The following HS6ST2 variants were observed in gnomAD, a reference collection of about 807,000 sequenced individuals.
The protein encoded by HS6ST2 is heparan sulfate 6-O-sulfotransferase 2, also known as heparan-sulfate 6-O-sulfotransferase 2.
In HS6ST2, 17 loss-of-function variants were observed where a neutral mutation model predicts 33.0. The observed-to-expected ratio is 0.52, with a 90% CI of 0.35 to 0.77. The LOEUF (loss-of-function observed/expected upper bound fraction) is 0.77, where lower values mean the gene tolerates loss of function less well. Among genes scored for constraint, HS6ST2 ranks in the 30% least tolerant of loss-of-function variants. The pLI, the probability that HS6ST2 is intolerant of heterozygous loss-of-function variation, is 0.01. For synonymous variants in HS6ST2, 248 were observed against 237.1 expected, an observed-to-expected ratio of 1.05 and a Z score of -0.42; for missense variants, 519 against 551.7, an observed-to-expected ratio of 0.94 and a Z score of 0.59.
chrX:132,835,186 A>C (rs955130859), intron 2 of HS6ST2, among the ~76,000 whole-genome samples: 1 of 111,936 alleles, frequency 8.9e-6, no homozygotes, highest in Non-Finnish European at 1.9e-5. Flanking sequence ...TACACTGTTA[A>C]TGATTCCTGG....
intron 2 of HS6ST2, among the ~76,000 whole-genome samples, chrX:132,918,498 G>C: frequency 8.9e-6 from 1 of 112,072 alleles, no homozygotes. Flanking sequence ...ACTTGGTGCT[G>C]AGGGCCAGAA....
chrX:132,931,922 C>G (rs1391941294), intron 2 of HS6ST2, among the ~76,000 whole-genome samples: 1 of 110,170 alleles, frequency 9.1e-6, no homozygotes, highest in Non-Finnish European at 1.9e-5. Flanking sequence ...CGAGGTGGCT[C>G]ACGCCTGTAA....
intron 2 of HS6ST2, among the ~76,000 whole-genome samples, chrX:132,710,192 C>G (rs753177776): frequency 9.0e-6 from 1 of 110,666 alleles, no homozygotes; most frequent in Non-Finnish European, 1.9e-5. Flanking sequence ...TCCATGAAGA[C>G]GTTACAGGTG....
chrX:132,694,949 A>G (rs2064091671), intron 3 of HS6ST2, among the ~76,000 whole-genome samples: 1 of 111,159 alleles, frequency 9.0e-6, no homozygotes, highest in South Asian at 3.9e-4. Flanking sequence ...GGGAAATGTC[A>G]GGAGTTTGTC....
At chrX:132,794,224 G>C (rs1281831573) in intron 2 of HS6ST2, among the ~76,000 whole-genome samples, 1 of 111,624 alleles carries the variant, frequency 9.0e-6, no homozygotes, top group African/African-American at 3.3e-5. Flanking sequence ...CTTCTGCTCT[G>C]GAAATGTGCT....
rs377629605 is a variant in HS6ST2, at chrX:132,738,880, T to C, written c.948-30386A>G. Among the ~76,000 whole-genome samples the C allele has an allele frequency of 2.7e-5, 3 of 111,714 alleles. No individual in the cohort carries two copies. In the South Asian group the frequency reaches 1.1e-3, roughly 42 times the overall value. On this transcript the variant is annotated intron_variant, in intron 2 of 4. Transcript: ENST00000370833. ...GGTCACAGCTATAGCAAGACCAACA[T>C]AAACTCAATAAAAGGAGATACTTGA... is the stretch of plus-strand genomic sequence containing the variant.
intron 3 of HS6ST2, among the ~76,000 whole-genome samples, chrX:132,687,519 T>G (rs2064028137): frequency 9.3e-6 from 1 of 107,805 alleles, no homozygotes; most frequent in Admixed American, 1.0e-4. Context: ...GAGGGGAGAG[T>G]TAATGGAGAG....
intron 2 of HS6ST2, among the ~76,000 whole-genome samples, chrX:132,794,432 T>C (rs2065152461): frequency 9.0e-6 from 1 of 110,936 alleles, no homozygotes; most frequent in Non-Finnish European, 1.9e-5. Flanking sequence ...CTTACTCTGT[T>C]GCCCAGGCTG....
At chrX:132,680,404 C>A (rs2063960150) in intron 3 of HS6ST2, among the ~76,000 whole-genome samples, 1 of 110,691 alleles carries the variant, frequency 9.0e-6, no homozygotes, top group East Asian at 2.8e-4. Flanking sequence ...CCTGTTGGTA[C>A]CTCTAGGTAA....
chrX:132,697,931 T>C (rs2064115257), intron 3 of HS6ST2, among the ~76,000 whole-genome samples: 1 of 111,931 alleles, frequency 8.9e-6, no homozygotes, highest in South Asian at 3.7e-4. Context: ...TAAATGGCTA[T>C]CATTGGCTTC....
intron 2 of HS6ST2, among the ~76,000 whole-genome samples, chrX:132,909,751 A>G (rs1200362332): frequency 9.0e-6 from 1 of 111,418 alleles, no homozygotes; most frequent in Non-Finnish European, 1.9e-5. Context: ...TCATTTGGCA[A>G]TAGTTCTTAC....
intron 3 of HS6ST2, among the ~76,000 whole-genome samples, chrX:132,697,648 G>C (rs1367083105): frequency 1.8e-5 from 2 of 111,838 alleles, no homozygotes; most frequent in Non-Finnish European, 3.8e-5. Flanking sequence ...CCATAGAATA[G>C]TTCCCTTAGT....
intron 2 of HS6ST2, among the ~76,000 whole-genome samples, chrX:132,723,143 T>C (rs908345670): frequency 1.8e-5 from 2 of 111,344 alleles, no homozygotes; most frequent in Admixed American, 1.9e-4. Context: ...ATCCTAAACC[T>C]GAACAGACCA....
At chrX:132,687,938 G>A (rs1452942032) in intron 3 of HS6ST2, among the ~76,000 whole-genome samples, 2 of 111,143 alleles carry the variant, frequency 1.8e-5, no homozygotes, top group Admixed American at 9.5e-5. Context: ...TAGTAGAGAC[G>A]GGGTTTCATC....
At chrX:132,853,289 G>A (rs1274282259) in intron 2 of HS6ST2, among the ~76,000 whole-genome samples, 2 of 108,227 alleles carry the variant, frequency 1.8e-5, no homozygotes, top group Non-Finnish European at 3.8e-5. Context: ...GAGTAGCTGG[G>A]ACTACAGGCG....
At chrX:132,699,094 T>C (rs986642080) in intron 3 of HS6ST2, among the ~76,000 whole-genome samples, 3 of 111,546 alleles carry the variant, frequency 2.7e-5, no homozygotes, top group Non-Finnish European at 5.7e-5. Flanking sequence ...CCAATTGACC[T>C]ATGATTGTAG....
intron 1 of HS6ST2, 22 bp downstream of exon 1, chrX:132,958,153 C>A (rs1168273011): frequency 1.8e-6 from 2 of 1,106,880 alleles, no homozygotes; most frequent in East Asian, 3.2e-5. Context: ...GAGCGCGAAC[C>A]CCGCTTTCAC....
At chrX:132,748,793 T>C (rs2064673101) in intron 2 of HS6ST2, among the ~76,000 whole-genome samples, 1 of 111,053 alleles carries the variant, frequency 9.0e-6, no homozygotes, top group African/African-American at 3.3e-5. Context: ...CTATTATTTG[T>C]AGAGACAGGG....
At chrX:132,953,929 T>C (rs745617444) in intron 2 of HS6ST2, among the ~76,000 whole-genome samples, 14 of 112,218 alleles carry the variant, frequency 1.2e-4, no homozygotes, top group Non-Finnish European at 2.4e-4. Context: ...AAAACCCTTG[T>C]TCATCAAGGT....
Sources: gnomAD v4.1 joint callset for allele counts (sites outside exome capture counted in the v4.1 genomes callset) on GRCh38, gnomAD v4.1.1 for gene constraint, MANE v1.5 for transcripts, NCBI Gene and HGNC (gene_info 2026-07-23, HGNC 2026-07-21) for gene names.